Variants in GARNL3 observed in about 807,000 individuals in gnomAD.
GARNL3 encodes the protein GTPase-activating Rap/Ran-GAP domain-like protein 3.
Under a neutral mutation model 125.0 loss-of-function variants are expected in GARNL3, and 63 were observed. The ratio of observed to expected loss-of-function variants is 0.50; its 90% CI spans 0.41 to 0.62. The LOEUF (loss-of-function observed/expected upper bound fraction) is 0.62, where lower values mean the gene tolerates loss of function less well. Among genes scored for constraint, GARNL3 ranks in the 20% least tolerant of loss-of-function variants. The pLI, the probability that GARNL3 is intolerant of heterozygous loss-of-function variation, is 0.00. For missense variants in GARNL3, 994 were observed against 1,244.0 expected, an observed-to-expected ratio of 0.80 and a Z score of 3.02; for synonymous variants, 439 against 457.5, an observed-to-expected ratio of 0.96 and a Z score of 0.52.
intron 7 of GARNL3, among the ~76,000 whole-genome samples, chr9:127,331,038 G>T (rs1829204677): frequency 6.6e-6 from 1 of 152,004 alleles, no homozygotes; most frequent in African/African-American, 2.4e-5. Flanking sequence ...TTTGTCCCTT[G>T]TCTACCCTTA....
intron 7 of GARNL3, among the ~76,000 whole-genome samples, chr9:127,325,829 G>T (rs1405451798): frequency 6.6e-6 from 1 of 152,082 alleles, no homozygotes; most frequent in Non-Finnish European, 1.5e-5. Context: ...TCTTTTCCTG[G>T]CTTCCACTCT....
At position 127,355,360 on chromosome 9, in the gene GARNL3, G is replaced by C; in HGVS notation, c.1823G>C (p.Arg608Pro). The C allele has an allele frequency of 6.2e-7, 1 of 1,614,164 alleles. No individual in the cohort carries two copies. Among genetic ancestry groups the C allele is most frequent in the Non-Finnish European group, 8.5e-7 (1 of 1,180,020 alleles). The change falls in exon 20 of 28, where the codon CGG becomes CCG. Residue 608 changes from arginine (R) to proline (P), a missense_variant. By Grantham distance (103) the Arg-to-Pro change is moderately radical. This residue lies in a region of GARNL3 where 728 missense variants were observed against 865.7 expected (regional missense o/e 0.84). Transcript: ENST00000373387. ...GAGCTGAGGATTGTGGTTGCAATTC[G>C]GAATAAACTGCTTCTGATCACAAGA... ...SRELRIVVAI[R>P]NKLLLITRKH...
intron 25 of GARNL3, 176 bp from the exon 26 acceptor site, chr9:127,388,728 G>A: frequency 1.7e-6 from 1 of 598,672 alleles, no homozygotes; most frequent in East Asian, 2.8e-5. Flanking sequence ...AAAACGCAAA[G>A]CCATCAGGCA....
At chr9:127,321,004 C>T (rs113845664) in intron 6 of GARNL3, among the ~76,000 whole-genome samples, 1 of 152,166 alleles carries the variant, frequency 6.6e-6, no homozygotes, top group South Asian at 2.1e-4. Context: ...GATTCTAATG[C>T]GTAGCCACTC....
At chr9:127,330,274 T>C (rs574553005) in intron 7 of GARNL3, among the ~76,000 whole-genome samples, 2 of 152,336 alleles carry the variant, frequency 1.3e-5, no homozygotes, top group African/African-American at 4.8e-5. Flanking sequence ...CCTTGAGACA[T>C]GTGCTTACTG....
At chr9:127,225,713 G>C (rs1321902753) in intron 1 of GARNL3, among the ~76,000 whole-genome samples, 4 of 151,922 alleles carry the variant, frequency 2.6e-5, no homozygotes, top group Non-Finnish European at 4.4e-5. Context: ...ACCCTCAAGG[G>C]CAAGGTCGGG....
At chr9:127,263,942 GT>G, upstream of GARNL3, 1 of 1,515,132 alleles carries the variant, frequency 6.6e-7, no homozygotes, top group Non-Finnish European at 8.8e-7. Context: ...CTTTCTGCAT[GT>G]GCCAAGAGGG....
chr9:127,264,116 T>C, upstream of GARNL3: 1 of 688,000 alleles, frequency 1.5e-6, no homozygotes, highest in South Asian at 2.3e-5. Context: ...CATGACATAT[T>C]AGAATCAAAC....
chr9:127,247,919 C>A (rs1302102893), intron 2 of GARNL3, among the ~76,000 whole-genome samples: 2 of 152,148 alleles, frequency 1.3e-5, no homozygotes, highest in African/African-American at 4.8e-5. Context: ...TTACCACTAC[C>A]CCCTGTCCCC....
chr9:127,251,624 G>A (rs2063405454), intron 2 of GARNL3, among the ~76,000 whole-genome samples: 1 of 152,178 alleles, frequency 6.6e-6, no homozygotes, highest in Non-Finnish European at 1.5e-5. Flanking sequence ...GAGACCACTT[G>A]AAAAGCAGCT....
intron 1 of GARNL3, among the ~76,000 whole-genome samples, chr9:127,269,757 T>C (rs1029584533): frequency 2.7e-5 from 4 of 149,482 alleles, no homozygotes; most frequent in African/African-American, 9.8e-5. Context: ...CATTCTTGAA[T>C]TGGGTTTTTG....
At chr9:127,368,996 A>C (rs1287812087) in intron 22 of GARNL3, 1 of 152,144 alleles carries the variant, frequency 6.6e-6, no homozygotes, top group East Asian at 1.9e-4. Context: ...CTCATCCCTC[A>C]AATCTGCTGC....
At chr9:127,356,692 T>C (rs553459829) in intron 20 of GARNL3, among the ~76,000 whole-genome samples, 61 of 152,328 alleles carry the variant, frequency 4.0e-4, no homozygotes, top group African/African-American at 1.4e-3. Flanking sequence ...AGCATATACA[T>C]TTATGTAATA....
chr9:127,345,704 G>A (rs1830099699), intron 16 of GARNL3, among the ~76,000 whole-genome samples: 1 of 152,232 alleles, frequency 6.6e-6, no homozygotes, highest in South Asian at 2.1e-4. Flanking sequence ...AGCTGCTGGA[G>A]GACCGACCTG....
At chr9:127,331,719 G>GTTTTTTTTTTTTTTTTT (rs755236965) in intron 7 of GARNL3, among the ~76,000 whole-genome samples, 1 of 10,278 alleles carries the variant, frequency 9.7e-5, no homozygotes, top group Admixed American at 1.2e-3. Context: ...GCTTGGGCTT[G>GTTTTTTTTTTTTTTTTT]CTTTTTTTTT....
chr9:127,315,211 C>G (rs1160497529), intron 4 of GARNL3, among the ~76,000 whole-genome samples: 1 of 152,186 alleles, frequency 6.6e-6, no homozygotes, highest in East Asian at 1.9e-4. Flanking sequence ...AGCATTGGCA[C>G]AAGGGGTCAG....
chr9:127,250,454 T>C (rs892041474), intron 2 of GARNL3, among the ~76,000 whole-genome samples: 19 of 152,200 alleles, frequency 1.2e-4, no homozygotes, highest in Non-Finnish European at 1.8e-4. Flanking sequence ...ACTTTGTAGC[T>C]TGAGTGACTG....
intron 2 of GARNL3, among the ~76,000 whole-genome samples, chr9:127,305,991 G>A (rs953548043): frequency 6.6e-6 from 1 of 152,048 alleles, no homozygotes; most frequent in Non-Finnish European, 1.5e-5. Context: ...CTCCCTCTGC[G>A]ATGCTGAGCA....
In GARNL3 at chr9:127,353,866, G is replaced by A. The variant is rs141133974; in HGVS notation, c.1564G>A (p.Val522Met). The change falls in exon 18 of 28, where the codon GTG (valine) becomes ATG (methionine). Residue 522 changes from valine (V) to methionine (M), a missense_variant. Around this residue, in one of 5 missense-constraint regions of GARNL3, gnomAD observed 728 missense variants for 865.7 expected, o/e 0.84. Coordinates refer to ENST00000373387, the MANE Select transcript of GARNL3 (RefSeq NM_032293.5). ...TCCAGATGACCTTCCATCAGTGCCC[G>A]TGTTTGACAGAACTCTGCCAGTGAA... ...LVDDDLPSVP[V>M]FDRTLPVKQM... is the part of the protein sequence containing the mutation. The A allele has an allele frequency of 5.3e-5, 85 of 1,613,098 alleles. No individual in the cohort carries two copies. In the Middle Eastern group the frequency reaches 1.7e-3, roughly 31 times the overall value.
Sources: allele counts gnomAD v4.1 joint callset (sites outside exome capture counted in the v4.1 genomes callset), GRCh38; gene constraint gnomAD v4.1.1; regional missense constraint gnomAD v4.1.1; transcripts MANE v1.5; gene names NCBI Gene and HGNC (gene_info 2026-07-23, HGNC 2026-07-21).